Variants in OTOGL observed in about 807,000 individuals in gnomAD.
The protein encoded by OTOGL is otogelin-like protein.
A neutral mutation model predicts 318.5 loss-of-function variants in OTOGL; 285 were observed. That is an observed-to-expected ratio of 0.89 (90% CI 0.81 to 0.99). The LOEUF is 0.99. Among genes scored for constraint, OTOGL ranks in the 50% least tolerant of loss-of-function variants. The pLI, the probability that OTOGL is intolerant of heterozygous loss-of-function variation, is 0.00. For synonymous variants in OTOGL, 987 were observed against 936.5 expected, an observed-to-expected ratio of 1.05 and a Z score of -0.99; for missense variants, 2,899 against 2,845.6, an observed-to-expected ratio of 1.02 and a Z score of -0.43.
chr12:80,328,972 T>G (rs1422562215), intron 36 of OTOGL, 79 bp from the exon 37 acceptor site: 2 of 1,316,224 alleles, frequency 1.5e-6, no homozygotes, highest in Non-Finnish European at 2.1e-6. Context: ...TCCTTGAAGC[T>G]AAAGAGTCCT....
intron 30 of OTOGL, among the ~76,000 whole-genome samples, 165 bp downstream of exon 30, chr12:80,310,892 G>T (rs1830761138): frequency 6.6e-6 from 1 of 152,118 alleles, no homozygotes; most frequent in African/African-American, 2.4e-5. Context: ...TGTAGAAGTG[G>T]CACATTTAGT....
intron 47 of OTOGL, 46 bp from the exon 48 acceptor site, chr12:80,356,370 T>G (rs1257964704): frequency 6.8e-7 from 1 of 1,465,820 alleles, no homozygotes. Context: ...AGTTGGCAGA[T>G]TTTAGTTGTG....
chr12:80,220,701 C>T (rs1453559950), intron 6 of OTOGL, among the ~76,000 whole-genome samples: 1 of 122,458 alleles, frequency 8.2e-6, no homozygotes, highest in Non-Finnish European at 1.8e-5. Flanking sequence ...TTTGTTTAAT[C>T]GATGTTTACT....
rs764127848 is a variant in OTOGL, at chr12:80,339,119, G to A, written c.4905G>A (p.Gln1635=). ...TTGTGCCTTTGCCCTTTTCAAGTCAGGAACTGTCCATAGAGGATTCTGGTT... is the reference window on the plus strand; with the variant it reads ...TTGTGCCTTTGCCCTTTTCAAGTCAAGAACTGTCCATAGAGGATTCTGGTT... ...SIVVPLPFSS[Q]ELSIEDSGSM... Residue 1635 remains glutamine (Q), a synonymous_variant, in exon 43 of 59, where the codon CAG becomes CAA. Transcript: ENST00000547103. The A allele has an allele frequency of 6.2e-7, 1 of 1,611,638 alleles. No individual in the cohort carries two copies.
At chr12:80,220,826 A>G (rs144136033) in intron 6 of OTOGL, among the ~76,000 whole-genome samples, 123 of 152,250 alleles carry the variant, frequency 8.1e-4, no homozygotes, top group African/African-American at 2.9e-3. Context: ...ACAGATACAC[A>G]ATAATTAAAC....
chr12:80,357,228 C>T (rs1889963098), intron 49 of OTOGL, among the ~76,000 whole-genome samples: 1 of 152,104 alleles, frequency 6.6e-6, no homozygotes. Context: ...GAAGAACCAA[C>T]TTGAATAATG....
chr12:80,213,628 T>C (rs1257999470), intron 4 of OTOGL, among the ~76,000 whole-genome samples: 1 of 152,196 alleles, frequency 6.6e-6, no homozygotes, highest in African/African-American at 2.4e-5. Flanking sequence ...TGTGTACTGA[T>C]ATACTTAAGT....
chr12:80,336,057 A>C lies in OTOGL; in HGVS notation c.4517A>C (p.Asp1506Ala), dbSNP rs754251211. The change falls in exon 39 of 59, where the codon GAC becomes GCC. Residue 1506 changes from aspartate to alanine, a missense_variant. Physicochemically the swap from Asp to Ala is moderately radical, Grantham distance 126 (BLOSUM62 -2). Coordinates refer to ENST00000547103, the MANE Select transcript of OTOGL (RefSeq NM_001378609.3). ...LYNWSLNCPK[D>A]VEMPDCGFRG... ...AACTGGTCCCTTAATTGCCCAAAGG[A>C]CGTGGAAATGCCTGACTGTGGTTTC... 3.0e-5 allele frequency: 48 copies of C among 1,598,768 alleles called. No individual in the cohort carries two copies. Among genetic ancestry groups the C allele is most frequent in the Non-Finnish European group, 3.9e-5 (46 of 1,179,432 alleles).
At chr12:80,235,202 C>T (rs552810383) in intron 9 of OTOGL, among the ~76,000 whole-genome samples, 1 of 152,130 alleles carries the variant, frequency 6.6e-6, no homozygotes, top group South Asian at 2.1e-4. Flanking sequence ...TGGTGGCTCA[C>T]TTCTGTAATC....
intron 1 of OTOGL, chr12:80,103,207 T>C (rs1869246115): frequency 7.0e-7 from 1 of 1,425,534 alleles, no homozygotes. Flanking sequence ...GATCGCTCGT[T>C]GTACTTCTGT....
intron 11 of OTOGL, among the ~76,000 whole-genome samples, chr12:80,250,119 T>G (rs12310545): frequency 6.6e-6 from 1 of 152,024 alleles, no homozygotes; most frequent in African/African-American, 2.4e-5. Context: ...AGAAATCACC[T>G]GTCTTCTGTG....
At position 80,314,301 on chromosome 12, in the gene OTOGL, T is replaced by C; in HGVS notation, c.3608-4T>C. 9.6e-7 allele frequency: 1 copy of C among 1,041,998 alleles called. No homozygotes were observed. Among genetic ancestry groups the C allele is most frequent in the Non-Finnish European group, 1.3e-6 (1 of 781,990 alleles). The allele number at this position is 1,041,998 out of a possible 1,614,324, so 64.5% of individuals were successfully genotyped here. ...GTTTAATATTTATTCTTTTTTTCTT[T>C]TAGCACTTGATTGTGAATACTACAA... On this transcript the variant is annotated splice_region_variant and splice_polypyrimidine_tract_variant and intron_variant, in intron 31 of 58. Coordinates refer to ENST00000547103, the MANE Select transcript of OTOGL (RefSeq NM_001378609.3).
At chr12:80,202,749 G>C (rs1308688813) in intron 1 of OTOGL, among the ~76,000 whole-genome samples, 4 of 152,200 alleles carry the variant, frequency 2.6e-5, no homozygotes, top group Admixed American at 6.5e-5. Context: ...TATTAGTCAG[G>C]GTTCTCCAGA....
chr12:80,222,026 G>A, intron 6 of OTOGL, 65 bp from the exon 7 acceptor site: 1 of 1,471,982 alleles, frequency 6.8e-7, no homozygotes, highest in Non-Finnish European at 9.2e-7. Flanking sequence ...TACCATGACT[G>A]ACTGAACATT....
chr12:80,100,859 T>C (rs1399217215), intron 1 of OTOGL, among the ~76,000 whole-genome samples: 2 of 152,206 alleles, frequency 1.3e-5, no homozygotes, highest in Non-Finnish European at 2.9e-5. Context: ...TCACTTTTTT[T>C]TTCCCATGTG....
Position 80,262,072 on chromosome 12 carries a change from TG to T in OTOGL, c.1994del (p.Cys665LeufsTer165). ...TGTTCATGTCCCAGTGGTGGACCCC[TG>T]TAACATCAATCAACAAAACAGTAAG... is the stretch of plus-strand genomic sequence containing the variant. Reference protein sequence around the residue: ...APVHVPVVDPCNINQQNIGYA... With the variant: ...APVHVPVVDPXNINQQNIGYA... On this transcript the variant is annotated frameshift_variant, in exon 19 of 59. Transcript: ENST00000547103. LOFTEE classifies it high-confidence loss of function. 1 of 1,609,528 alleles carries T rather than the reference TG, an allele frequency of 6.2e-7. No homozygotes were observed.
At position 80,253,655 on chromosome 12, in the gene OTOGL, A is replaced by C. The variant is rs1881773389; in HGVS notation, c.1394+81A>C. The C allele has an allele frequency of 3.6e-6, 4 of 1,102,600 alleles. No individual in the cohort carries two copies. The South Asian group carries it at 6.2e-5, about 17-fold the overall frequency. The allele number at this position is 1,102,600 out of a possible 1,614,324, so 68.3% of individuals were successfully genotyped here. On this transcript the variant is annotated intron_variant, in intron 14 of 58. Coordinates refer to ENST00000547103, the MANE Select transcript of OTOGL (RefSeq NM_001378609.3). ...TACCATGACAGATGTTTAAAGGAAT[A>C]TACTCATTACTAATTTACTTCCCAA...
intron 26 of OTOGL, among the ~76,000 whole-genome samples, chr12:80,282,550 G>A (rs1005888647): frequency 4.0e-5 from 6 of 148,954 alleles, no homozygotes; most frequent in Admixed American, 6.7e-5. Flanking sequence ...TTTTTGTCTT[G>A]TGTTGTTTGG....
intron 1 of OTOGL, among the ~76,000 whole-genome samples, chr12:80,204,312 G>T (rs955951502): frequency 6.6e-6 from 1 of 152,126 alleles, no homozygotes; most frequent in Admixed American, 6.5e-5. Flanking sequence ...AAGATGATAG[G>T]CTAACGTTTG....
Sources: allele counts gnomAD v4.1 joint callset (sites outside exome capture counted in the v4.1 genomes callset), GRCh38; gene constraint gnomAD v4.1.1; transcripts MANE v1.5; gene names NCBI Gene and HGNC (gene_info 2026-07-23, HGNC 2026-07-21).